Variants in ZDHHC21 observed in about 807,000 individuals in gnomAD.
The protein encoded by ZDHHC21 is zDHHC palmitoyltransferase 21.
In ZDHHC21, 15 loss-of-function variants were observed where a neutral mutation model predicts 34.6. The observed-to-expected ratio is 0.43, with a 90% CI of 0.29 to 0.67. The LOEUF is 0.67. Among genes scored for constraint, ZDHHC21 ranks in the 30% least tolerant of loss-of-function variants. The pLI, the probability that ZDHHC21 is intolerant of heterozygous loss-of-function variation, is 0.14. For synonymous variants in ZDHHC21, 142 were observed against 101.8 expected (o/e 1.40, Z -2.38); for missense variants, 344 against 327.7 (o/e 1.05, Z -0.38).
At position 14,674,358 on chromosome 9, in the gene ZDHHC21, G is replaced by A; in HGVS notation, c.-18C>T. 6.3e-7 allele frequency: 1 copy of A among 1,579,898 alleles called. No individual in the cohort carries two copies. The highest frequency in any genetic ancestry group is 1.4e-5 in the African/African-American group (1 of 72,706). ...AGACCCATTTTGCAATCTTATAACT[G>A]CCTGCTAACCCACAAGGAAGGATGA... is the stretch of plus-strand genomic sequence containing the variant. On this transcript the variant is annotated 5_prime_UTR_variant, in exon 4 of 10. The change creates a premature stop within an existing upstream ORF in the 5' untranslated region. Transcript: ENST00000380916.
At chr9:14,666,332 C>A (rs974788016) in intron 5 of ZDHHC21, among the ~76,000 whole-genome samples, 22 of 133,334 alleles carry the variant, frequency 1.6e-4, no homozygotes, top group African/African-American at 5.9e-4. Flanking sequence ...AATACAGGAG[C>A]ACCCAGATTC....
chr9:14,639,269 A>G (rs756846582), intron 8 of ZDHHC21, among the ~76,000 whole-genome samples: 3 of 152,120 alleles, frequency 2.0e-5, no homozygotes, highest in Non-Finnish European at 2.9e-5. Context: ...AGAAAGACAA[A>G]TATCATATTT....
At chr9:14,637,920 C>G (rs1461987611) in intron 8 of ZDHHC21, among the ~76,000 whole-genome samples, 4 of 151,888 alleles carry the variant, frequency 2.6e-5, no homozygotes, top group Non-Finnish European at 5.9e-5. Flanking sequence ...GATAATGGAT[C>G]AGAAGAATTA....
intron 2 of ZDHHC21, among the ~76,000 whole-genome samples, chr9:14,687,102 CAAT>C (rs1224448201): frequency 6.6e-6 from 1 of 150,540 alleles, no homozygotes; most frequent in African/African-American, 2.5e-5. Flanking sequence ...TGGCCAAAAA[CAAT>C]AATGCTACTA....
chr9:14,621,004 C>G (rs1439606050), intron 8 of ZDHHC21, among the ~76,000 whole-genome samples: 1 of 151,988 alleles, frequency 6.6e-6, no homozygotes, highest in African/African-American at 2.4e-5. Flanking sequence ...AGTCTACAAA[C>G]ATATGAGAAC....
Position 14,639,720 on chromosome 9 carries a change from T to C in ZDHHC21, c.621+176A>G, listed in dbSNP as rs150124255. On this transcript the variant is annotated intron_variant, in intron 8 of 9. Coordinates refer to ENST00000380916, the MANE Select transcript of ZDHHC21 (RefSeq NM_178566.6). ...AGCTTTTAAAAACAGGATACAAAAT[T>C]GTGTATACTTTGTACTTGATTATAA... 2.9e-3 allele frequency among the ~76,000 whole-genome samples: 437 copies of C among 152,240 alleles called. 10 individuals carry two copies. The East Asian group carries it at 0.075, about 26-fold the overall frequency.
chr9:14,644,506 GTT>G (rs965304313), intron 7 of ZDHHC21, among the ~76,000 whole-genome samples: 1 of 148,538 alleles, frequency 6.7e-6, no homozygotes, highest in South Asian at 2.1e-4. Flanking sequence ...GATTTTGTGT[GTT>G]TTTTTTTTAA....
At chr9:14,606,972 A>T (rs768826378), downstream of ZDHHC21, among the ~76,000 whole-genome samples, 2 of 151,892 alleles carry the variant, frequency 1.3e-5, no homozygotes, top group Admixed American at 6.6e-5. Flanking sequence ...AAAAATAAGT[A>T]CATCCTCTGA....
At chr9:14,590,436 G>T in the ZDHHC21 span, among the ~76,000 whole-genome samples, 2 of 152,042 alleles carry the variant, frequency 1.3e-5, no homozygotes, top group African/African-American at 4.8e-5. Context: ...TAATCACAAT[G>T]AAAACCACAC....
intron 7 of ZDHHC21, among the ~76,000 whole-genome samples, chr9:14,650,473 C>T (rs531471506): frequency 6.6e-6 from 1 of 151,754 alleles, no homozygotes; most frequent in Non-Finnish European, 1.5e-5. Context: ...TTTTTCCATT[C>T]TTCAGTGAAC....
At chr9:14,651,391 G>C (rs920137805) in intron 7 of ZDHHC21, among the ~76,000 whole-genome samples, 1 of 151,828 alleles carries the variant, frequency 6.6e-6, no homozygotes, top group African/African-American at 2.4e-5. Flanking sequence ...AGTTTGAATA[G>C]GATTTAGTAA....
downstream of ZDHHC21, among the ~76,000 whole-genome samples, chr9:14,607,897 G>A (rs1823067394): frequency 6.6e-6 from 1 of 152,096 alleles, no homozygotes; most frequent in Non-Finnish European, 1.5e-5. Context: ...CGTAAAAAAT[G>A]TACATGAAAA....
intron 7 of ZDHHC21, among the ~76,000 whole-genome samples, chr9:14,647,502 CA>C (rs1400660923): frequency 2.0e-5 from 3 of 152,038 alleles, no homozygotes; most frequent in East Asian, 3.9e-4. Context: ...TTATGAATAC[CA>C]CATGCTTTCT....
chr9:14,608,028 A>T (rs776249291), downstream of ZDHHC21, among the ~76,000 whole-genome samples: 1 of 152,202 alleles, frequency 6.6e-6, no homozygotes, highest in Non-Finnish European at 1.5e-5. Flanking sequence ...GAACACTGAA[A>T]AACTCGCTAA....
chr9:14,612,413 A>G lies in ZDHHC21; in HGVS notation c.*6553T>C, dbSNP rs192835696. 15 of 152,132 alleles carry G rather than the reference A, an allele frequency of 9.9e-5. No homozygotes were observed. Among genetic ancestry groups the G allele is most frequent in the Non-Finnish European group, 1.9e-4 (13 of 67,924 alleles). 9.4% of individuals were successfully genotyped at this position (152,132 alleles called of 1,614,324 possible). A position where few individuals can be genotyped will look rare whatever the true frequency, so the allele number is the denominator to read the frequency against. The stretch of plus-strand genomic sequence containing the variant: ...GGACACTGAGTGTTTTGAGAATTTT[A>G]AAGGGAAAAATCTGGAACCCAAATA... On this transcript the variant is annotated 3_prime_UTR_variant, in exon 10 of 10. Transcript: ENST00000380916.
At chr9:14,660,084 G>A (rs560857958) in intron 6 of ZDHHC21, among the ~76,000 whole-genome samples, 1 of 152,172 alleles carries the variant, frequency 6.6e-6, no homozygotes, top group East Asian at 1.9e-4. Context: ...AGAATGATCA[G>A]GCCAGGCGCG....
chr9:14,592,315 C>T, the ZDHHC21 span, among the ~76,000 whole-genome samples: 505 of 151,894 alleles, frequency 3.3e-3, 2 homozygotes, highest in Middle Eastern at 6.8e-3. Context: ...AACTTTGTTT[C>T]GATATAATTC....
At chr9:14,675,177 C>A (rs1298435120) in intron 3 of ZDHHC21, among the ~76,000 whole-genome samples, 2 of 151,698 alleles carry the variant, frequency 1.3e-5, no homozygotes, top group African/African-American at 4.8e-5. Context: ...ACAGATCTCT[C>A]AATGAGACAC....
chr9:14,610,660 A>G (rs1467970909), downstream of ZDHHC21, among the ~76,000 whole-genome samples: 2 of 152,000 alleles, frequency 1.3e-5, no homozygotes, highest in Non-Finnish European at 2.9e-5. Flanking sequence ...CTTTAATTCA[A>G]TATTGCCAGA....
Sources: gnomAD v4.1 joint callset for allele counts (sites outside exome capture counted in the v4.1 genomes callset) on GRCh38, gnomAD v4.1.1 for gene constraint, MANE v1.5 for transcripts, NCBI Gene and HGNC (gene_info 2026-07-23, HGNC 2026-07-21) for gene names.